The following ULK4 variants were observed in gnomAD, a reference collection of about 807,000 sequenced individuals.
ULK4 encodes the protein unc-51 like kinase 4, also known as inactive serine/threonine-protein kinase ULK4.
ULK4 carries 133 observed loss-of-function variants against 160.6 expected under a neutral mutation model. The observed-to-expected ratio is 0.83, with a 90% CI of 0.72 to 0.96. ULK4 has a LOEUF of 0.96. Among genes scored for constraint, ULK4 ranks in the 40% least tolerant of loss-of-function variants. ULK4 has a pLI of 0.00. For synonymous variants in ULK4, 534 were observed against 539.8 expected (o/e 0.99, Z 0.15); for missense variants, 1,580 against 1,499.5 (o/e 1.05, Z -0.89).
intron 20 of ULK4, among the ~76,000 whole-genome samples, chr3:41,798,734 A>G (rs888032541): frequency 1.3e-5 from 2 of 152,024 alleles, no homozygotes. Context: ...TATGCAGCCA[A>G]GATTGTGCGT....
At chr3:41,411,408 A>G (rs1293240680) in intron 34 of ULK4, among the ~76,000 whole-genome samples, 1 of 150,250 alleles carries the variant, frequency 6.7e-6, no homozygotes, top group Admixed American at 6.6e-5. Flanking sequence ...ATCATAATCC[A>G]GACATTCCTT....
intron 3 of ULK4, 56 bp downstream of exon 3, chr3:41,938,042 C>T: frequency 7.6e-7 from 1 of 1,318,210 alleles, no homozygotes; most frequent in Non-Finnish European, 1.0e-6. Flanking sequence ...CAAAACTTAA[C>T]AGCATGTTTT....
intron 31 of ULK4, among the ~76,000 whole-genome samples, chr3:41,571,490 T>C (rs2087972364): frequency 6.6e-6 from 1 of 152,224 alleles, no homozygotes; most frequent in Non-Finnish European, 1.5e-5. Flanking sequence ...GGGTAAACTG[T>C]GCATTGAAAA....
At position 41,773,199 on chromosome 3, in the gene ULK4, T is replaced by C. The variant is rs1006776956; in HGVS notation, c.2193+16462A>G. Among the ~76,000 whole-genome samples the C allele has an allele frequency of 9.2e-5, 14 of 152,096 alleles. No homozygotes were observed. In the East Asian group the frequency reaches 1.7e-3, roughly 19 times the overall value. ...CCTCTCTCACCACTCCTATTCAACA[T>C]AGTGTTGGAAGTTCTGGCCAGGGCA... On this transcript the variant is annotated intron_variant, in intron 21 of 36. Coordinates refer to ENST00000301831, the MANE Select transcript of ULK4 (RefSeq NM_017886.4).
chr3:41,417,390 A>T (rs567356287), intron 34 of ULK4, among the ~76,000 whole-genome samples: 4 of 152,282 alleles, frequency 2.6e-5, no homozygotes, highest in South Asian at 4.2e-4. Flanking sequence ...CATAGCTGAA[A>T]CACCTGAAAG....
At chr3:41,664,176 C>T (rs1182362661) in intron 29 of ULK4, among the ~76,000 whole-genome samples, 1 of 152,150 alleles carries the variant, frequency 6.6e-6, no homozygotes, top group Non-Finnish European at 1.5e-5. Context: ...CCATGTAAAA[C>T]AACTAGTATT....
chr3:41,330,159 G>C lies in ULK4; in HGVS notation c.3678+67920C>G, dbSNP rs1201855886. Among the ~76,000 whole-genome samples the C allele has an allele frequency of 1.3e-5, 2 of 152,154 alleles. 1 individual carries two copies. The highest frequency in any genetic ancestry group is 4.1e-4 in the South Asian group (2 of 4,830). ...GAGAGATTAGAATTTGCCAGCACAA[G>C]GATGTGCCCTATCTCTCCAAACCCC... On this transcript the variant is annotated intron_variant, in intron 35 of 36. Coordinates refer to ENST00000301831, the MANE Select transcript of ULK4 (RefSeq NM_017886.4).
At chr3:41,641,149 G>A (rs1320413420) in intron 30 of ULK4, among the ~76,000 whole-genome samples, 1 of 152,184 alleles carries the variant, frequency 6.6e-6, no homozygotes, top group Non-Finnish European at 1.5e-5. Flanking sequence ...AGAGGAGACA[G>A]GCTGAATACG....
intron 17 of ULK4, among the ~76,000 whole-genome samples, chr3:41,870,841 GCT>G (rs1347902289): frequency 6.6e-6 from 1 of 152,014 alleles, no homozygotes; most frequent in Non-Finnish European, 1.5e-5. Flanking sequence ...ATATAGTTTG[GCT>G]CTGTGTCCCC....
intron 31 of ULK4, among the ~76,000 whole-genome samples, chr3:41,567,183 C>T (rs1490027367): frequency 6.6e-6 from 1 of 152,094 alleles, no homozygotes; most frequent in African/African-American, 2.4e-5. Context: ...TGTTTTTTAA[C>T]GTATAGCTAT....
intron 35 of ULK4, among the ~76,000 whole-genome samples, chr3:41,382,971 G>A (rs1220580263): frequency 6.6e-6 from 1 of 152,026 alleles, no homozygotes; most frequent in African/African-American, 2.4e-5. Flanking sequence ...AAGAAAAATT[G>A]TAGTTAAATT....
At chr3:41,930,438 T>G (rs1699553101) in intron 5 of ULK4, among the ~76,000 whole-genome samples, 1 of 152,206 alleles carries the variant, frequency 6.6e-6, no homozygotes, top group East Asian at 1.9e-4. Flanking sequence ...GGCAAATACT[T>G]CATGACTAAA....
chr3:41,618,709 G>A (rs966869748), intron 30 of ULK4, among the ~76,000 whole-genome samples: 1 of 152,064 alleles, frequency 6.6e-6, no homozygotes, highest in Non-Finnish European at 1.5e-5. Flanking sequence ...TGAAGAAATT[G>A]CATCAACTAA....
chr3:41,772,596 A>G (rs1016518023), intron 21 of ULK4, among the ~76,000 whole-genome samples: 1 of 152,234 alleles, frequency 6.6e-6, no homozygotes, highest in Non-Finnish European at 1.5e-5. Context: ...TCAACCAAAA[A>G]AAGTCCAGGA....
chr3:41,586,875 A>G (rs1022781556), intron 31 of ULK4, among the ~76,000 whole-genome samples: 4 of 152,184 alleles, frequency 2.6e-5, no homozygotes, highest in Non-Finnish European at 5.9e-5. Context: ...AAGACATTGA[A>G]AATTTGAACA....
chr3:41,922,491 A>G (rs1321258299), intron 5 of ULK4, among the ~76,000 whole-genome samples: 1 of 152,024 alleles, frequency 6.6e-6, no homozygotes, highest in African/African-American at 2.4e-5. Flanking sequence ...GTATGGAAGG[A>G]AAGAGAAAGA....
At chr3:41,469,651 G>A (rs1157987281) in intron 32 of ULK4, among the ~76,000 whole-genome samples, 1 of 109,912 alleles carries the variant, frequency 9.1e-6, no homozygotes, top group Non-Finnish European at 2.0e-5. Flanking sequence ...TAAAAAGATG[G>A]CTATCTCCTC....
chr3:41,713,155 A>G (rs2037161372), intron 25 of ULK4, among the ~76,000 whole-genome samples: 2 of 152,232 alleles, frequency 1.3e-5, no homozygotes. Flanking sequence ...ATTATTTTAA[A>G]GCAGAAAACT....
intron 22 of ULK4, among the ~76,000 whole-genome samples, chr3:41,730,376 C>A (rs1432867206): frequency 5.3e-5 from 8 of 151,796 alleles, no homozygotes; most frequent in Non-Finnish European, 8.8e-5. Context: ...ATATAACAAA[C>A]CTTTAGGTAG....
Sources: allele counts gnomAD v4.1 joint callset (sites outside exome capture counted in the v4.1 genomes callset), GRCh38; gene constraint gnomAD v4.1.1; transcripts MANE v1.5; gene names NCBI Gene and HGNC (gene_info 2026-07-23, HGNC 2026-07-21).